The following ESRRB variants were observed in gnomAD, a reference collection of about 807,000 sequenced individuals.
The protein encoded by ESRRB is steroid hormone receptor ERR2.
A neutral mutation model predicts 46.0 loss-of-function variants in ESRRB; 16 were observed. The ratio of observed to expected loss-of-function variants is 0.35; its 90% CI spans 0.24 to 0.53. The LOEUF (loss-of-function observed/expected upper bound fraction) is 0.53. ESRRB is among the 20% of genes least tolerant of loss of function. The probability of loss-of-function intolerance (pLI) is 0.93; values close to 1 mark genes in which losing one functional copy is unlikely to be tolerated. For synonymous variants in ESRRB, 246 were observed against 259.6 expected, an observed-to-expected ratio of 0.95 and a Z score of 0.50; for missense variants, 488 against 607.4, an observed-to-expected ratio of 0.80 and a Z score of 2.07.
intron 1 of ESRRB, among the ~76,000 whole-genome samples, chr14:76,362,381 C>T (rs759244272): frequency 2.6e-5 from 4 of 152,124 alleles, no homozygotes; most frequent in Admixed American, 6.6e-5. Context: ...CCCTAGCAAC[C>T]GGCTTCATAC....
Position 76,469,130 on chromosome 14 carries a change from G to A in ESRRB, c.577+6469G>A, listed in dbSNP as rs142714591. Among the ~76,000 whole-genome samples, 1,344 of 151,810 alleles carry A rather than the reference G, an allele frequency of 8.9e-3. 23 individuals are homozygous for A. The highest frequency in any genetic ancestry group is 0.031 in the African/African-American group (1,282 of 41,328). On this transcript the variant is annotated intron_variant, in intron 3 of 6. Transcript: ENST00000644823. ...TTTTTCTGAGATGGAGTCTCGCTCT[G>A]TTGCCCTGGCTGGACTGCAGTGGTG...
chr14:76,439,884 G>T, intron 2 of ESRRB, 134 bp downstream of exon 2: 1 of 969,058 alleles, frequency 1.0e-6, no homozygotes, highest in Non-Finnish European at 1.5e-6. Context: ...TCTGTGGGGC[G>T]CCTTTTCCCT....
chr14:76,360,731 A>G (rs1884452552), intron 1 of ESRRB, among the ~76,000 whole-genome samples: 1 of 152,188 alleles, frequency 6.6e-6, no homozygotes, highest in Admixed American at 6.5e-5. Context: ...CTGCTTTATC[A>G]GAGGGCTCCC....
At chr14:76,444,212 T>C (rs1888037679) in intron 2 of ESRRB, among the ~76,000 whole-genome samples, 2 of 152,168 alleles carry the variant, frequency 1.3e-5, no homozygotes, top group Admixed American at 6.5e-5. Context: ...TTTGTATTTT[T>C]AGTAGAGACG....
chr14:76,373,282 A>G (rs550103561), upstream of ESRRB, among the ~76,000 whole-genome samples: 1 of 152,254 alleles, frequency 6.6e-6, no homozygotes, highest in African/African-American at 2.4e-5. Flanking sequence ...AAAATAAATC[A>G]TGATTTGTTG....
Position 76,499,907 on chromosome 14 carries a change from G to A in ESRRB, c.*1449G>A, listed in dbSNP as rs1280363794. Reference sequence around the variant, plus strand: ...GAGGATCTCCCAAGGATGAAAGAATGTCAAGCCATGATGGAAAATGCCCCT... The same window carrying A: ...GAGGATCTCCCAAGGATGAAAGAATATCAAGCCATGATGGAAAATGCCCCT... On this transcript the variant is annotated 3_prime_UTR_variant, in exon 7 of 7. Transcript: ENST00000644823. 6.2e-7 allele frequency: 1 copy of A among 1,614,186 alleles called. No individual in the cohort carries two copies. The highest frequency in any genetic ancestry group is 1.7e-5 in the Admixed American group (1 of 60,026).
chr14:76,431,331 CTCT>C (rs199667611), intron 1 of ESRRB, among the ~76,000 whole-genome samples: 1,573 of 152,262 alleles, frequency 0.01, 15 homozygotes, highest in Non-Finnish European at 0.015. Context: ...CGATGATGAT[CTCT>C]TGTTGATACC....
chr14:76,373,360 T>C (rs548789903), upstream of ESRRB, among the ~76,000 whole-genome samples: 1 of 152,116 alleles, frequency 6.6e-6, no homozygotes, highest in Admixed American at 6.5e-5. Flanking sequence ...ACAGCCTCTG[T>C]TTTCTGGAGA....
intron 1 of ESRRB, among the ~76,000 whole-genome samples, chr14:76,345,874 CTG>C (rs1264394850): frequency 6.6e-6 from 1 of 152,194 alleles, no homozygotes; most frequent in Non-Finnish European, 1.5e-5. Flanking sequence ...GTGTGCCAGG[CTG>C]TGTGTCTTGC....
intron 1 of ESRRB, among the ~76,000 whole-genome samples, chr14:76,341,151 A>T (rs1884187140): frequency 6.6e-6 from 1 of 152,026 alleles, no homozygotes; most frequent in Non-Finnish European, 1.5e-5. Flanking sequence ...TCATGGACTG[A>T]GTCTCCTCCC....
chr14:76,364,093 G>A (rs1182441419), intron 1 of ESRRB, among the ~76,000 whole-genome samples: 1 of 152,152 alleles, frequency 6.6e-6, no homozygotes, highest in East Asian at 1.9e-4. Context: ...GCTGCCCCTG[G>A]TCATTGAGTC....
chr14:76,471,135 G>A (rs887708630), intron 3 of ESRRB, among the ~76,000 whole-genome samples: 15 of 152,102 alleles, frequency 9.9e-5, no homozygotes, highest in African/African-American at 3.6e-4. Flanking sequence ...GTCACCTATT[G>A]CTCAAAAGAA....
chr14:76,361,101 G>T (rs1595054659), intron 1 of ESRRB, among the ~76,000 whole-genome samples: 1 of 152,204 alleles, frequency 6.6e-6, no homozygotes, highest in East Asian at 1.9e-4. Flanking sequence ...ATTGCTGGTG[G>T]TAGAATCATG....
intron 1 of ESRRB, among the ~76,000 whole-genome samples, chr14:76,313,066 A>G (rs1262410457): frequency 1.3e-5 from 2 of 152,140 alleles, no homozygotes; most frequent in Non-Finnish European, 2.9e-5. Context: ...TTGTTGGGAC[A>G]TTTAGCTAAA....
At chr14:76,483,343 T>C (rs1889882631) in intron 5 of ESRRB, among the ~76,000 whole-genome samples, 1 of 152,226 alleles carries the variant, frequency 6.6e-6, no homozygotes, top group African/African-American at 2.4e-5. Context: ...GTGTGAAGTG[T>C]TCGGCACAGT....
At chr14:76,469,936 TTTTTTTTC>T (rs1430059096) in intron 3 of ESRRB, among the ~76,000 whole-genome samples, 5,906 of 132,634 alleles carry the variant, frequency 0.045, 491 homozygotes, top group Non-Finnish European at 0.065. Flanking sequence ...GTTGTTTTTT[TTTTTTTTC>T]TTTTTTTTTT....
chr14:76,491,797 G>C lies in ESRRB; in HGVS notation c.1120+81G>C, dbSNP rs1890244820. ...ATGAGCCCATCCCTGGGGCCTGTGG[G>C]CAGGGCTGGCTGCCATGGATAGAGA... On this transcript the variant is annotated intron_variant, in intron 6 of 6. Coordinates refer to ENST00000644823, the MANE Select transcript of ESRRB (RefSeq NM_001379180.1). The C allele has an allele frequency of 2.8e-6, 4 of 1,438,764 alleles. No homozygotes were observed. The South Asian group carries it at 5.6e-5, about 20-fold the overall frequency. 89.1% of individuals were successfully genotyped at this position (1,438,764 alleles called of 1,614,324 possible). A position where few individuals can be genotyped will look rare whatever the true frequency, so the allele number is the denominator to read the frequency against.
chr14:76,318,056 T>G (rs34966488), intron 1 of ESRRB, among the ~76,000 whole-genome samples: 92,967 of 151,998 alleles, frequency 0.61, 28,801 homozygotes, highest in East Asian at 0.71. Flanking sequence ...AGGGTTCCTT[T>G]TTCAAAAACA....
chr14:76,444,843 A>G (rs1888064471), intron 2 of ESRRB, among the ~76,000 whole-genome samples: 2 of 152,032 alleles, frequency 1.3e-5, no homozygotes. Context: ...TGAGCCATTC[A>G]CGAGTGCCTG....
Sources: gnomAD v4.1 joint callset for allele counts (sites outside exome capture counted in the v4.1 genomes callset) on GRCh38, gnomAD v4.1.1 for gene constraint, MANE v1.5 for transcripts, NCBI Gene and HGNC (gene_info 2026-07-23, HGNC 2026-07-21) for gene names.